Variants in MICU3 observed in about 807,000 individuals in gnomAD.
The protein encoded by MICU3 is mitochondrial calcium uptake 3.
MICU3 carries 62 observed loss-of-function variants against 66.5 expected under a neutral mutation model. The ratio of observed to expected loss-of-function variants is 0.93; its 90% CI spans 0.76 to 1.15. The LOEUF (loss-of-function observed/expected upper bound fraction) is 1.15. Ranked by LOEUF, MICU3 falls within the 50% of genes most tolerant of loss-of-function variation. The probability of loss-of-function intolerance (pLI) is 0.00; values close to 1 mark genes in which losing one functional copy is unlikely to be tolerated. For synonymous variants in MICU3, 308 were observed against 240.7 expected, an observed-to-expected ratio of 1.28 and a Z score of -2.59; for missense variants, 779 against 664.4, an observed-to-expected ratio of 1.17 and a Z score of -1.90.
chr8:17,137,488 A>T, the MICU3 span, among the ~76,000 whole-genome samples: 6 of 150,366 alleles, frequency 4.0e-5, no homozygotes, highest in African/African-American at 1.5e-4. Flanking sequence ...TTTATATTTA[A>T]TACCTTAAAC....
chr8:17,027,616 G>T lies in MICU3; in HGVS notation c.337G>T (p.Gly113Cys). ...CACGGAGCCCGAGGACCCGCCCCGC[G>T]GCCGGGGGATGCTGCCCATCCCAGT... ...AATEPEDPPR[G>C]RGMLPIPVAA... The change falls in exon 1 of 15, where the codon GGC becomes TGC. Residue 113 changes from glycine to cysteine, a missense_variant. Transcript: ENST00000318063. The T allele has an allele frequency of 7.6e-7, 1 of 1,310,394 alleles. No individual in the cohort carries two copies. The highest frequency in any genetic ancestry group is 9.7e-7 in the Non-Finnish European group (1 of 1,034,098). The allele number at this position is 1,310,394 out of a possible 1,614,324, so 81.2% of individuals were successfully genotyped here. A position where few individuals can be genotyped will look rare whatever the true frequency, so the allele number is the denominator to read the frequency against.
At chr8:17,037,078 C>T (rs143186513) in intron 1 of MICU3, among the ~76,000 whole-genome samples, 2,236 of 152,324 alleles carry the variant, frequency 0.015, 29 homozygotes, top group Non-Finnish European at 0.024. Context: ...TCCCTCACTG[C>T]CCGGGGCCAG....
chr8:17,125,545 G>A (rs545770739), downstream of MICU3, among the ~76,000 whole-genome samples: 326 of 152,232 alleles, frequency 2.1e-3, 1 homozygote, highest in South Asian at 6.2e-3. Flanking sequence ...TGTAGCTGGG[G>A]CATTTCATAC....
In MICU3 at chr8:17,059,093, T is replaced by A. The variant is rs531365491; in HGVS notation, c.382-4991T>A. Among the ~76,000 whole-genome samples the A allele has an allele frequency of 1.5e-4, 23 of 152,364 alleles. No homozygotes were observed. The South Asian group carries it at 4.8e-3, about 32-fold the overall frequency. Reference sequence around the variant, plus strand: ...ATTTACATTTGTCATTTGTTGACATTAAATATTCATCTTGGAAACTATATA... The same window carrying A: ...ATTTACATTTGTCATTTGTTGACATAAAATATTCATCTTGGAAACTATATA... On this transcript the variant is annotated intron_variant, in intron 1 of 14. Transcript: ENST00000318063.
chr8:17,086,273 A>G (rs1283555424), intron 6 of MICU3, among the ~76,000 whole-genome samples: 1 of 152,122 alleles, frequency 6.6e-6, no homozygotes, highest in Non-Finnish European at 1.5e-5. Flanking sequence ...CTATGACATC[A>G]TTCTTTTTCT....
intron 9 of MICU3, among the ~76,000 whole-genome samples, chr8:17,103,891 T>TAC (rs1411255388): frequency 6.6e-6 from 1 of 151,942 alleles, no homozygotes; most frequent in Non-Finnish European, 1.5e-5. Flanking sequence ...AACTGTGGAA[T>TAC]ACAGTGGTTA....
the MICU3 span, among the ~76,000 whole-genome samples, chr8:17,134,425 T>G: frequency 7.1e-6 from 1 of 141,074 alleles, no homozygotes; most frequent in Non-Finnish European, 1.6e-5. Context: ...CAGAAGAAAG[T>G]CAGCCTTTTG....
intron 13 of MICU3, among the ~76,000 whole-genome samples, chr8:17,117,696 C>T (rs1802816263): frequency 6.6e-6 from 1 of 151,532 alleles, no homozygotes; most frequent in Non-Finnish European, 1.5e-5. Flanking sequence ...GCAACCTCCG[C>T]CTCCCGGGTT....
downstream of MICU3, among the ~76,000 whole-genome samples, chr8:17,125,744 C>A (rs778566049): frequency 3.3e-5 from 5 of 152,168 alleles, no homozygotes; most frequent in East Asian, 3.9e-4. Context: ...TATAACACCT[C>A]TCTGGTGGCC....
At chr8:17,081,530 A>C (rs1821178651) in intron 4 of MICU3, among the ~76,000 whole-genome samples, 163 bp from the exon 5 acceptor site, 1 of 152,128 alleles carries the variant, frequency 6.6e-6, no homozygotes, top group Non-Finnish European at 1.5e-5. Context: ...GAACAATTAA[A>C]GTAAAATTAA....
intron 3 of MICU3, among the ~76,000 whole-genome samples, chr8:17,075,548 G>A (rs978450513): frequency 3.3e-5 from 5 of 152,124 alleles, no homozygotes; most frequent in Non-Finnish European, 7.3e-5. Context: ...GTTTGGAGGA[G>A]GGAGAGAGAT....
the MICU3 span, among the ~76,000 whole-genome samples, chr8:17,130,469 A>G: frequency 6.6e-6 from 1 of 152,014 alleles, no homozygotes; most frequent in African/African-American, 2.4e-5. Context: ...CAGTGAGCCG[A>G]GATCGCACCA....
intron 8 of MICU3, among the ~76,000 whole-genome samples, chr8:17,091,624 G>A (rs974075393): frequency 9.9e-5 from 15 of 151,910 alleles, no homozygotes; most frequent in Non-Finnish European, 1.9e-4. Flanking sequence ...AAATGGACCT[G>A]GAATGGGTAG....
intron 1 of MICU3, among the ~76,000 whole-genome samples, chr8:17,034,206 A>G (rs1242896307): frequency 1.3e-5 from 2 of 152,312 alleles, no homozygotes; most frequent in African/African-American, 2.4e-5. Context: ...CTTGGATGAC[A>G]ACACATCTGT....
the MICU3 span, among the ~76,000 whole-genome samples, chr8:17,130,642 G>T: frequency 6.6e-6 from 1 of 152,182 alleles, no homozygotes; most frequent in Non-Finnish European, 1.5e-5. Flanking sequence ...GTATACTGTT[G>T]TAAGATTGTA....
chr8:17,104,715 G>GATTGATTGTTAT (rs1179706181), intron 10 of MICU3, among the ~76,000 whole-genome samples: 2 of 102,022 alleles, frequency 2.0e-5, no homozygotes, highest in African/African-American at 7.0e-5. Flanking sequence ...CCAGATATCG[G>GATTGATTGTTAT]CCGGGCGCGG....
chr8:17,098,522 C>G lies in MICU3; in HGVS notation c.953C>G (p.Thr318Arg). Residue 318 changes from threonine to arginine, a missense_variant, in exon 9 of 15, where the codon ACA (threonine) becomes AGA (arginine). By Grantham distance (71) the Thr-to-Arg change is moderately conservative. Transcript: ENST00000318063. ...RSYWDTLRRN[T>R]SQALFSDLAE... The stretch of plus-strand genomic sequence containing the variant: ...TATTGGGATACACTGAGACGTAACA[C>G]AAGCCAAGCACTGTTTTCAGACCTC... 2.5e-6 allele frequency: 4 copies of G among 1,611,414 alleles called. No homozygotes were observed. The highest frequency in any genetic ancestry group is 3.4e-6 in the Non-Finnish European group (4 of 1,178,056).
chr8:17,094,524 T>C (rs1254002558), intron 8 of MICU3, among the ~76,000 whole-genome samples: 5 of 152,044 alleles, frequency 3.3e-5, no homozygotes, highest in Non-Finnish European at 5.9e-5. Flanking sequence ...ATGTCTAGCT[T>C]ACTAGAAGAC....
At chr8:17,096,419 T>C (rs897431249) in intron 8 of MICU3, among the ~76,000 whole-genome samples, 2 of 152,042 alleles carry the variant, frequency 1.3e-5, no homozygotes, top group East Asian at 1.9e-4. Context: ...ATTCTGAGAA[T>C]GTGCTCTTAA....
Sources: allele counts gnomAD v4.1 joint callset (sites outside exome capture counted in the v4.1 genomes callset), GRCh38; gene constraint gnomAD v4.1.1; transcripts MANE v1.5; gene names NCBI Gene and HGNC (gene_info 2026-07-23, HGNC 2026-07-21).